Variants in C1QTNF3 observed in about 807,000 individuals in gnomAD.
The protein encoded by C1QTNF3 is C1q and TNF related 3.
In C1QTNF3, 26 loss-of-function variants were observed where a neutral mutation model predicts 32.6. The ratio of observed to expected loss-of-function variants is 0.80; its 90% confidence interval spans 0.58 to 1.11. The LOEUF (loss-of-function observed/expected upper bound fraction) is 1.11. Ranked by LOEUF, C1QTNF3 falls within the 50% of genes least tolerant of loss-of-function variation. The pLI, the probability that C1QTNF3 is intolerant of heterozygous loss-of-function variation, is 0.00. For synonymous variants in C1QTNF3, 155 were observed against 146.0 expected, an observed-to-expected ratio of 1.06 and a Z score of -0.44; for missense variants, 362 against 398.2, an observed-to-expected ratio of 0.91 and a Z score of 0.77.
the C1QTNF3 span, among the ~76,000 whole-genome samples, chr5:34,234,874 G>T: frequency 2.6e-5 from 4 of 152,066 alleles, no homozygotes; most frequent in Admixed American, 2.6e-4. Context: ...TGCAATTTGG[G>T]ATGCTTGAGG....
chr5:34,177,986 G>A, the C1QTNF3 span, among the ~76,000 whole-genome samples: 1 of 151,928 alleles, frequency 6.6e-6, no homozygotes, highest in African/African-American at 2.4e-5. Context: ...CAGAACGGGG[G>A]CTGGGCATGG....
intron 4 of C1QTNF3, 175 bp from the exon 5 acceptor site, chr5:34,024,183 A>G: frequency 1.7e-6 from 1 of 580,570 alleles, no homozygotes; most frequent in South Asian, 1.9e-5. Flanking sequence ...CTCCCCTTCC[A>G]AGTGCTTTCA....
the C1QTNF3 span, among the ~76,000 whole-genome samples, chr5:34,214,049 G>C: frequency 6.7e-6 from 1 of 149,990 alleles, no homozygotes; most frequent in African/African-American, 2.5e-5. Flanking sequence ...GACCTCAAGT[G>C]ATCTACCCCC....
the C1QTNF3 span, among the ~76,000 whole-genome samples, chr5:34,066,509 T>C: frequency 0.012 from 1,860 of 152,178 alleles, 41 homozygotes; most frequent in African/African-American, 0.043. Context: ...TTTAAACCAA[T>C]GGATTGTAAA....
the C1QTNF3 span, among the ~76,000 whole-genome samples, chr5:34,064,337 C>G: frequency 3.3e-5 from 5 of 152,146 alleles, no homozygotes; most frequent in Non-Finnish European, 7.4e-5. Context: ...CAAGATGTGG[C>G]GGGCCACTCC....
chr5:34,130,082 T>C, the C1QTNF3 span, among the ~76,000 whole-genome samples: 2 of 152,012 alleles, frequency 1.3e-5, no homozygotes, highest in Non-Finnish European at 2.9e-5. Flanking sequence ...TTTATCCTCA[T>C]TGCTGTTTGT....
chr5:34,166,682 C>G, the C1QTNF3 span: 2 of 152,044 alleles, frequency 1.3e-5, no homozygotes, highest in African/African-American at 4.8e-5. Flanking sequence ...AATAAAGATT[C>G]CCATATTTCC....
intron 4 of C1QTNF3, chr5:34,024,390 T>C (rs1754412683): frequency 5.5e-6 from 1 of 182,796 alleles, no homozygotes; most frequent in African/African-American, 2.3e-5. Flanking sequence ...TGTTTGTGGT[T>C]GAACAACGAT....
chr5:34,132,435 GTATATATATATATATATA>G, the C1QTNF3 span, among the ~76,000 whole-genome samples: 5 of 137,686 alleles, frequency 3.6e-5, no homozygotes, highest in Non-Finnish European at 3.1e-5. Context: ...GTATGTGTAT[GTATATATATATATATATA>G]TATATATATA....
the C1QTNF3 span, among the ~76,000 whole-genome samples, chr5:34,067,673 G>T: frequency 5.9e-5 from 9 of 152,158 alleles, no homozygotes; most frequent in Non-Finnish European, 1.2e-4. Flanking sequence ...TTCAAGATGA[G>T]ATTTGGATAG....
the C1QTNF3 span, among the ~76,000 whole-genome samples, chr5:34,224,682 T>C: frequency 1.3e-5 from 2 of 152,030 alleles, no homozygotes; most frequent in Non-Finnish European, 2.9e-5. Context: ...AACGCTAGAC[T>C]TAAAACCATA....
intron 3 of C1QTNF3, among the ~76,000 whole-genome samples, chr5:34,030,746 G>A (rs554666353): frequency 1.3e-5 from 2 of 152,278 alleles, no homozygotes; most frequent in East Asian, 1.9e-4. Context: ...GGAATACTGT[G>A]CAGCCATAAA....
At chr5:34,034,023 C>T (rs183187727) in intron 2 of C1QTNF3, among the ~76,000 whole-genome samples, 120 of 152,176 alleles carry the variant, frequency 7.9e-4, no homozygotes, top group Middle Eastern at 3.4e-3. Flanking sequence ...AAAAATTAGC[C>T]AGGAGTGGTG....
At chr5:34,172,069 C>G in the C1QTNF3 span, among the ~76,000 whole-genome samples, 3 of 152,004 alleles carry the variant, frequency 2.0e-5, no homozygotes, top group Middle Eastern at 3.2e-3. Context: ...TAATCTATTC[C>G]AAAAGAATGC....
chr5:34,175,866 A>G, the C1QTNF3 span: 3 of 799,428 alleles, frequency 3.8e-6, no homozygotes, highest in Admixed American at 1.7e-5. Flanking sequence ...GAGCTCTCCA[A>G]CCACGTATTT....
the C1QTNF3 span, among the ~76,000 whole-genome samples, chr5:34,110,680 T>G: frequency 3.9e-5 from 6 of 152,302 alleles, no homozygotes; most frequent in African/African-American, 9.6e-5. Flanking sequence ...GAAAGTTTCT[T>G]GCTTAAAACT....
the C1QTNF3 span, among the ~76,000 whole-genome samples, chr5:34,135,052 G>A: frequency 6.6e-6 from 1 of 152,250 alleles, no homozygotes; most frequent in East Asian, 1.9e-4. Context: ...TTGGCTGTGG[G>A]TTTGTCACAA....
chr5:34,103,601 T>C, the C1QTNF3 span, among the ~76,000 whole-genome samples: 1 of 127,512 alleles, frequency 7.8e-6, no homozygotes, highest in African/African-American at 3.2e-5. Flanking sequence ...GGAGGTCACC[T>C]GAGGTCAGGT....
At chr5:34,146,593 C>A in the C1QTNF3 span, among the ~76,000 whole-genome samples, 2 of 152,144 alleles carry the variant, frequency 1.3e-5, no homozygotes, top group African/African-American at 4.8e-5. Flanking sequence ...ATAAGTAGTG[C>A]TGGGATAGTT....
Sources: allele counts gnomAD v4.1 joint callset (sites outside exome capture counted in the v4.1 genomes callset), GRCh38; gene constraint gnomAD v4.1.1; transcripts MANE v1.5; gene names NCBI Gene and HGNC (gene_info 2026-07-23, HGNC 2026-07-21).